ALG10: variants seen among roughly 807,000 people sequenced by gnomAD.
ALG10 encodes the protein dol-P-Glc:Glc(2)Man(9)GlcNAc(2)-PP-Dol alpha-1,2-glucosyltransferase A.
A neutral mutation model predicts 39.2 loss-of-function variants in ALG10; 25 were observed. The observed-to-expected ratio is 0.64, with a 90% CI of 0.46 to 0.89. The LOEUF (loss-of-function observed/expected upper bound fraction) is 0.89, where lower values mean the gene tolerates loss of function less well. Among genes scored for constraint, ALG10 ranks in the 40% least tolerant of loss-of-function variants. The pLI is 0.00. For missense variants in ALG10, 486 were observed against 546.6 expected, an observed-to-expected ratio of 0.89 and a Z score of 1.11; for synonymous variants, 184 against 193.9, an observed-to-expected ratio of 0.95 and a Z score of 0.42.
rs1258202269 is a variant in ALG10, at chr12:34,027,185, T to C, written c.*270T>C. 5 of 265,410 alleles carry C rather than the reference T, an allele frequency of 1.9e-5. No individual in the cohort carries two copies. Among genetic ancestry groups the C allele is most frequent in the Non-Finnish European group, 2.8e-5 (4 of 143,232 alleles). 16.4% of individuals were successfully genotyped at this position (265,410 alleles called of 1,614,324 possible). A position where few individuals can be genotyped will look rare whatever the true frequency, so the allele number is the denominator to read the frequency against. On this transcript the variant is annotated 3_prime_UTR_variant, in exon 3 of 3. Transcript: ENST00000266483. ...TATCACTCTCATAATGTTGGCCCCT[T>C]AAAAAGCTTGGGAATGTTTTGTATG...
chr12:34,023,755 C>T (rs1202525619), intron 1 of ALG10: 9 of 607,116 alleles, frequency 1.5e-5, no homozygotes, highest in Non-Finnish European at 8.8e-6. Flanking sequence ...TTATTGGTTG[C>T]TGCTACCTGA....
chr12:34,022,873 A>G (rs1942793577), intron 1 of ALG10, 103 bp downstream of exon 1: 1 of 1,511,486 alleles, frequency 6.6e-7, no homozygotes, highest in African/African-American at 1.4e-5. Flanking sequence ...CCACCCCCTC[A>G]AGCCTCAGAA....
rs564897463 is a variant in ALG10 at position 34,025,312 on chromosome 12, T to C, written c.370-551T>C. Among the ~76,000 whole-genome samples, 5 of 152,336 alleles carry C rather than the reference T, an allele frequency of 3.3e-5. No individual in the cohort carries two copies. The South Asian group carries it at 1.0e-3, about 32-fold the overall frequency. On this transcript the variant is annotated intron_variant, in intron 2 of 2. Coordinates refer to ENST00000266483, the MANE Select transcript of ALG10 (RefSeq NM_032834.4). ...AGAAGATATATAACTTTAGACAGGC[T>C]CACTTTTCAGAAAAATACCTGTTAT...
intron 2 of ALG10, among the ~76,000 whole-genome samples, chr12:34,025,541 G>A (rs1203688620): frequency 1.3e-5 from 2 of 152,198 alleles, no homozygotes; most frequent in East Asian, 3.9e-4. Flanking sequence ...TATCTCCATA[G>A]TCCACATAGA....
At chr12:34,024,975 AG>A (rs144337999) in intron 2 of ALG10, among the ~76,000 whole-genome samples, 27,919 of 151,970 alleles carry the variant, frequency 0.18, 2,629 homozygotes, top group African/African-American at 0.21. Context: ...AGGGCTGTGT[AG>A]GGTGGGGAAT....
Position 34,026,539 on chromosome 12 carries a change from C to T in ALG10, c.1046C>T (p.Ala349Val). The part of the protein sequence containing the change: ...KFTYAHKYLL[A>V]DNRHYTFYVW... The stretch of plus-strand genomic sequence containing the variant: ...ACTTATGCTCATAAATACTTGCTAG[C>T]AGACAATAGACATTATACTTTCTAT... Residue 349 changes from alanine (A) to valine (V), a missense_variant, in exon 3 of 3, where the codon GCA becomes GTA. By Grantham distance (64) the Ala-to-Val change is moderately conservative (BLOSUM62 0). Transcript: ENST00000266483. 1.9e-6 allele frequency: 3 copies of T among 1,613,706 alleles called. No individual in the cohort carries two copies. Among genetic ancestry groups the T allele is most frequent in the Non-Finnish European group, 2.5e-6 (3 of 1,179,882 alleles).
intron 2 of ALG10, among the ~76,000 whole-genome samples, chr12:34,025,168 C>G (rs35939987): frequency 6.6e-6 from 1 of 151,968 alleles, no homozygotes; most frequent in Non-Finnish European, 1.5e-5. Flanking sequence ...ATGTAAAGAC[C>G]TTAATTTTAA....
At chr12:34,024,476 G>T (rs1942810690) in intron 2 of ALG10, among the ~76,000 whole-genome samples, 1 of 152,182 alleles carries the variant, frequency 6.6e-6, no homozygotes, top group Admixed American at 6.5e-5. Context: ...TCTTTTTCTT[G>T]TAAAACGTAT....
chr12:34,026,481 A>T lies in ALG10; in HGVS notation c.988A>T (p.Thr330Ser). Reference sequence around the variant, plus strand: ...ACGTAGAATTCTGTTTTTTGTGGTTACCTTAGTCTCTGTGTTTTTAGTTTG... The same window carrying T: ...ACGTAGAATTCTGTTTTTTGTGGTTTCCTTAGTCTCTGTGTTTTTAGTTTG... ...WKRRILFFVV[T>S]LVSVFLVWKF... Residue 330 changes from threonine (T) to serine (S), a missense_variant, in exon 3 of 3, where the codon ACC becomes TCC. Thr to Ser is a moderately conservative substitution (Grantham distance 58). Coordinates refer to ENST00000266483, the MANE Select transcript of ALG10 (RefSeq NM_032834.4). 6.2e-7 allele frequency: 1 copy of T among 1,613,658 alleles called. No homozygotes were observed. Among genetic ancestry groups the T allele is most frequent in the South Asian group, 1.1e-5 (1 of 91,040 alleles).
At chr12:34,022,450 G>C, upstream of ALG10, 4 of 1,265,694 alleles carry the variant, frequency 3.2e-6, no homozygotes, top group Non-Finnish European at 4.5e-6. Context: ...CCGGATCCGC[G>C]CTCTCCCAGC....
At chr12:34,023,593 A>C (rs1172241128) in intron 1 of ALG10, 2 of 332,066 alleles carry the variant, frequency 6.0e-6, no homozygotes, top group Non-Finnish European at 1.2e-5. Context: ...GTCATCATGG[A>C]GCCTGTGGTC....
chr12:34,025,803 A>C (rs1288464645), intron 2 of ALG10, 60 bp from the exon 3 acceptor site: 13 of 1,594,372 alleles, frequency 8.2e-6, no homozygotes, highest in Non-Finnish European at 1.1e-5. Flanking sequence ...TCATTAGGTA[A>C]GCAGAAATAG....
chr12:34,024,648 AAATAAG>A (rs1253879813), intron 2 of ALG10, among the ~76,000 whole-genome samples: 2 of 152,216 alleles, frequency 1.3e-5, no homozygotes, highest in Non-Finnish European at 2.9e-5. Context: ...TTCATGTATT[AAATAAG>A]AATAACAATA....
rs1346813672 is a variant in ALG10, at chr12:34,026,504, T to G, written c.1011T>G (p.Val337=). ...TTACCTTAGTCTCTGTGTTTTTAGT[T>G]TGGAAATTCACTTATGCTCATAAAT... ...FVVTLVSVFL[V]WKFTYAHKYL... is the part of the protein sequence containing the mutation. The change falls in exon 3 of 3, where the codon GTT becomes GTG. Residue 337 remains valine (V), a synonymous_variant. Coordinates refer to ENST00000266483, the MANE Select transcript of ALG10 (RefSeq NM_032834.4). The G allele has an allele frequency of 1.2e-6, 2 of 1,613,940 alleles. No homozygotes were observed. Among genetic ancestry groups the G allele is most frequent in the African/African-American group, 2.7e-5 (2 of 75,044 alleles).
upstream of ALG10, chr12:34,022,468 G>C (rs1287630923): frequency 2.8e-6 from 4 of 1,439,646 alleles, no homozygotes; most frequent in Non-Finnish European, 3.9e-6. Context: ...AGCATCCTTT[G>C]CCTTCCGGTA....
At position 34,026,212 on chromosome 12, in the gene ALG10, A is replaced by G; in HGVS notation, c.719A>G (p.Tyr240Cys). 1 of 1,614,074 alleles carries G rather than the reference A, an allele frequency of 6.2e-7. No homozygotes were observed. The highest frequency in any genetic ancestry group is 8.5e-7 in the Non-Finnish European group (1 of 1,179,946). ...AAAATTCTTCAGTTTCTTTTGGCTT[A>G]TTCCATGTCCTTTAAAAACTTGAGT... Reference protein sequence around the residue: ...FRKILQFLLAYSMSFKNLSML... With the variant: ...FRKILQFLLACSMSFKNLSML... The change falls in exon 3 of 3, where the codon TAT (tyrosine) becomes TGT (cysteine). Residue 240 changes from tyrosine to cysteine, a missense_variant. Transcript: ENST00000266483.
intron 2 of ALG10, among the ~76,000 whole-genome samples, chr12:34,024,412 TACTG>T (rs150573480): frequency 0.17 from 26,312 of 152,178 alleles, 2,333 homozygotes; most frequent in Non-Finnish European, 0.19. Flanking sequence ...AATAAATACT[TACTG>T]AACTTATTCC....
chr12:34,023,625 G>C (rs1942801875), intron 1 of ALG10: 2 of 354,078 alleles, frequency 5.6e-6, no homozygotes, highest in Admixed American at 8.2e-5. Flanking sequence ...CTAAACTTAA[G>C]AGTCCCAAAC....
Position 34,022,586 on chromosome 12 carries a change from C to A in ALG10, c.-14C>A, listed in dbSNP as rs369632018. ...CCAGGAGTAGGTTCTTGGGCAGTGG[C>A]TGTGGGAGCTGGAATGGCGCAGCTG... On this transcript the variant is annotated 5_prime_UTR_variant, in exon 1 of 3. In the 5' UTR this introduces an upstream ATG that the reference lacks. Transcript: ENST00000266483. 4.3e-6 allele frequency: 7 copies of A among 1,614,052 alleles called. No homozygotes were observed. In the Admixed American group the frequency reaches 1.0e-4, roughly 23 times the overall value.
Sources: allele counts gnomAD v4.1 joint callset (sites outside exome capture counted in the v4.1 genomes callset), GRCh38; gene constraint gnomAD v4.1.1; transcripts MANE v1.5; gene names NCBI Gene and HGNC (gene_info 2026-07-23, HGNC 2026-07-21).